Variants in ZNF804A observed in about 807,000 individuals in gnomAD.
ZNF804A encodes the protein zinc finger protein 804A.
Under a neutral mutation model 16.5 loss-of-function variants are expected in ZNF804A, and 2 were observed. The ratio of observed to expected loss-of-function variants is 0.12; its 90% CI spans 0.05 to 0.38. The LOEUF (loss-of-function observed/expected upper bound fraction) is 0.38. Ranked by LOEUF, ZNF804A falls within the 10% of genes least tolerant of loss-of-function variation. The probability of loss-of-function intolerance (pLI) is 0.99; values close to 1 mark genes in which losing one functional copy is unlikely to be tolerated. For missense variants in ZNF804A, 1,473 were observed against 1,390.7 expected (o/e 1.06, Z -0.94); for synonymous variants, 534 against 489.6 (o/e 1.09, Z -1.20).
At chr2:184,685,913 G>T (rs1481425048) in intron 1 of ZNF804A, among the ~76,000 whole-genome samples, 1 of 152,212 alleles carries the variant, frequency 6.6e-6, no homozygotes, top group Non-Finnish European at 1.5e-5. Context: ...GTGCCTGCAG[G>T]CCTGTGCCAA....
intron 2 of ZNF804A, among the ~76,000 whole-genome samples, chr2:184,890,094 GA>G (rs1451586076): frequency 6.6e-6 from 1 of 152,112 alleles, no homozygotes; most frequent in Non-Finnish European, 1.5e-5. Context: ...ATAACAGTCA[GA>G]TCATTAGCAT....
intron 1 of ZNF804A, among the ~76,000 whole-genome samples, chr2:184,781,969 G>A (rs1428910916): frequency 6.6e-6 from 1 of 151,772 alleles, no homozygotes; most frequent in Non-Finnish European, 1.5e-5. Context: ...CCCTTGGTAT[G>A]CTGATGGCCA....
intron 1 of ZNF804A, among the ~76,000 whole-genome samples, chr2:184,852,636 G>GA (rs1224511238): frequency 6.6e-6 from 1 of 151,488 alleles, no homozygotes; most frequent in Non-Finnish European, 1.5e-5. Flanking sequence ...TATATGATGT[G>GA]AAACAAAAGT....
intron 1 of ZNF804A, among the ~76,000 whole-genome samples, chr2:184,824,638 G>A (rs1342329697): frequency 2.0e-5 from 3 of 152,058 alleles, no homozygotes; most frequent in African/African-American, 7.2e-5. Flanking sequence ...ATATTTGGTG[G>A]CTTGAGACAA....
chr2:184,610,411 G>A (rs1419298650), intron 1 of ZNF804A, among the ~76,000 whole-genome samples: 1 of 152,132 alleles, frequency 6.6e-6, no homozygotes, highest in Non-Finnish European at 1.5e-5. Context: ...TTTTAGATTG[G>A]TTATGGAAAG....
At chr2:184,871,578 G>A (rs1313224065) in intron 2 of ZNF804A, among the ~76,000 whole-genome samples, 3 of 151,530 alleles carry the variant, frequency 2.0e-5, no homozygotes, top group Non-Finnish European at 4.4e-5. Context: ...CTTGGGTATT[G>A]GATTCATTAA....
At chr2:184,910,910 T>G (rs2105831725) in intron 2 of ZNF804A, among the ~76,000 whole-genome samples, 1 of 152,202 alleles carries the variant, frequency 6.6e-6, no homozygotes, top group East Asian at 1.9e-4. Flanking sequence ...AAATATTTTC[T>G]CCCATTCTGC....
At chr2:184,769,239 C>G (rs1473001586) in intron 1 of ZNF804A, among the ~76,000 whole-genome samples, 1 of 152,040 alleles carries the variant, frequency 6.6e-6, no homozygotes, top group Admixed American at 6.6e-5. Context: ...AAAGAACACA[C>G]TGCTGTAAGT....
intron 2 of ZNF804A, among the ~76,000 whole-genome samples, chr2:184,901,365 A>T (rs1685179670): frequency 6.6e-6 from 1 of 152,110 alleles, no homozygotes; most frequent in Non-Finnish European, 1.5e-5. Flanking sequence ...AAGAGAATTG[A>T]AAGAAAGTTT....
chr2:184,913,227 T>G (rs1223777883), intron 2 of ZNF804A, among the ~76,000 whole-genome samples: 1 of 152,172 alleles, frequency 6.6e-6, no homozygotes, highest in African/African-American at 2.4e-5. Flanking sequence ...ATAAATTACA[T>G]TATGTTTACA....
intron 1 of ZNF804A, among the ~76,000 whole-genome samples, chr2:184,619,186 C>A (rs1228804706): frequency 6.6e-6 from 1 of 151,772 alleles, no homozygotes; most frequent in Non-Finnish European, 1.5e-5. Flanking sequence ...TTAATTTGTT[C>A]CAACACCAAA....
intron 1 of ZNF804A, among the ~76,000 whole-genome samples, chr2:184,717,503 C>A (rs1270896258): frequency 6.6e-6 from 1 of 152,042 alleles, no homozygotes; most frequent in African/African-American, 2.4e-5. Flanking sequence ...AACTAGAATT[C>A]TTTGTGTTGA....
chr2:184,690,976 C>T (rs999406501), intron 1 of ZNF804A, among the ~76,000 whole-genome samples: 6 of 151,760 alleles, frequency 4.0e-5, no homozygotes, highest in African/African-American at 1.5e-4. Flanking sequence ...AAAAAATTCA[C>T]AATAATTTGT....
In ZNF804A at chr2:184,793,699, T is replaced by C. The variant is rs116338596; in HGVS notation, c.112-72670T>C. Among the ~76,000 whole-genome samples, 493 of 152,244 alleles carry C rather than the reference T, an allele frequency of 3.2e-3. 3 individuals are homozygous for C. The highest frequency in any genetic ancestry group is 6.8e-3 in the Middle Eastern group (2 of 294). On this transcript the variant is annotated intron_variant, in intron 1 of 3. Coordinates refer to ENST00000302277, the MANE Select transcript of ZNF804A (RefSeq NM_194250.2). The stretch of plus-strand genomic sequence containing the variant: ...AGCATTATACACTACACCCAATTTG[T>C]AGTCTCTTCTTCCTCACCACCTTCC...
At chr2:184,738,210 C>T (rs1228215533) in intron 1 of ZNF804A, among the ~76,000 whole-genome samples, 1 of 149,272 alleles carries the variant, frequency 6.7e-6, no homozygotes, top group African/African-American at 2.5e-5. Flanking sequence ...ATAAATAATA[C>T]TGATTAGTGG....
chr2:184,758,875 T>G (rs1428342480), intron 1 of ZNF804A, among the ~76,000 whole-genome samples: 1 of 151,942 alleles, frequency 6.6e-6, no homozygotes, highest in African/African-American at 2.4e-5. Context: ...TACTAACTGT[T>G]CCACTTCTCA....
rs540701386 is a variant in ZNF804A at position 184,894,450 on chromosome 2, A to G, written c.255+27938A>G. On this transcript the variant is annotated intron_variant, in intron 2 of 3. Transcript: ENST00000302277. ...TTTTACTATTAAAAATTTTTTTATT[A>G]ACGTATTTTTATTGGCATACTTTTG... Among the ~76,000 whole-genome samples the G allele has an allele frequency of 3.7e-4, 57 of 152,106 alleles. 1 individual carries two copies. Among genetic ancestry groups the G allele is most frequent in the African/African-American group, 1.4e-3 (57 of 41,532 alleles).
At chr2:184,740,976 A>C (rs1227111307) in intron 1 of ZNF804A, among the ~76,000 whole-genome samples, 1 of 152,188 alleles carries the variant, frequency 6.6e-6, no homozygotes, top group Non-Finnish European at 1.5e-5. Context: ...TACAGTTAAT[A>C]GATGTCGGTT....
At chr2:184,751,914 T>C (rs1054134767) in intron 1 of ZNF804A, among the ~76,000 whole-genome samples, 1 of 151,692 alleles carries the variant, frequency 6.6e-6, no homozygotes, top group Admixed American at 6.6e-5. Context: ...GAAATGCAAA[T>C]TAAAGCCACA....
Sources: allele counts gnomAD v4.1 joint callset (sites outside exome capture counted in the v4.1 genomes callset), GRCh38; gene constraint gnomAD v4.1.1; transcripts MANE v1.5; gene names NCBI Gene and HGNC (gene_info 2026-07-23, HGNC 2026-07-21).